Variants in TRPM7 observed in about 807,000 individuals in gnomAD.
The protein encoded by TRPM7 is transient receptor potential cation channel subfamily M member 7.
A neutral mutation model predicts 229.7 loss-of-function variants in TRPM7; 134 were observed. That is an observed-to-expected ratio of 0.58 (90% CI 0.51 to 0.67). TRPM7 has a LOEUF of 0.67. Among genes scored for constraint, TRPM7 ranks in the 30% least tolerant of loss-of-function variants. The pLI is 0.00. For missense variants in TRPM7, 1,901 were observed against 2,210.0 expected (o/e 0.86, Z 2.80); for synonymous variants, 699 against 715.2 (o/e 0.98, Z 0.36).
At chr15:50,593,995 T>G (rs1402598996) in intron 24 of TRPM7, among the ~76,000 whole-genome samples, 1 of 152,130 alleles carries the variant, frequency 6.6e-6, no homozygotes, top group Non-Finnish European at 1.5e-5. Context: ...CTATACAACA[T>G]CCCTCCGCTA....
At chr15:50,650,192 CAAAAAAAAAAAAAAAA>C (rs59579538) in intron 3 of TRPM7, among the ~76,000 whole-genome samples, 1 of 62,302 alleles carries the variant, frequency 1.6e-5, no homozygotes, top group Admixed American at 2.3e-4. Context: ...GACTTTGTCT[CAAAAAAAAAAAAAAAA>C]AAAAAAAAAA....
At chr15:50,635,751 C>T (rs1030479166) in intron 7 of TRPM7, among the ~76,000 whole-genome samples, 1 of 147,066 alleles carries the variant, frequency 6.8e-6, no homozygotes, top group Non-Finnish European at 1.5e-5. Context: ...AGGCCGAGGC[C>T]GGCGATCACG....
At chr15:50,615,753 G>C (rs537067024) in intron 13 of TRPM7, among the ~76,000 whole-genome samples, 2 of 152,092 alleles carry the variant, frequency 1.3e-5, no homozygotes, top group East Asian at 3.9e-4. Flanking sequence ...AAAATTAGCT[G>C]GGTGTGGTGG....
intron 1 of TRPM7, among the ~76,000 whole-genome samples, chr15:50,671,344 C>T (rs910814631): frequency 2.0e-5 from 3 of 152,164 alleles, no homozygotes; most frequent in African/African-American, 4.8e-5. Context: ...TTTCACTTAA[C>T]ATAATGTCCT....
intron 12 of TRPM7, among the ~76,000 whole-genome samples, chr15:50,622,008 T>C (rs1481958419): frequency 1.4e-5 from 2 of 143,786 alleles, no homozygotes; most frequent in Non-Finnish European, 3.1e-5. Flanking sequence ...CCAGCCTGGA[T>C]GACAAGAGCA....
chr15:50,621,242 G>A (rs1359899985), intron 12 of TRPM7, among the ~76,000 whole-genome samples: 3 of 151,222 alleles, frequency 2.0e-5, no homozygotes, highest in Admixed American at 6.6e-5. Context: ...CTCCCCCACA[G>A]GTGAACTTTT....
chr15:50,664,027 C>T (rs960281171), intron 1 of TRPM7, among the ~76,000 whole-genome samples: 6 of 151,968 alleles, frequency 3.9e-5, no homozygotes, highest in African/African-American at 9.7e-5. Flanking sequence ...TGGCCGCGTG[C>T]GGTGGCTCAC....
At chr15:50,624,417 A>C (rs1405265028) in intron 11 of TRPM7, 117 bp from the exon 12 acceptor site, 1 of 889,566 alleles carries the variant, frequency 1.1e-6, no homozygotes, top group East Asian at 2.9e-5. Flanking sequence ...TTAGAACAAA[A>C]TTAGAAAGAT....
intron 3 of TRPM7, among the ~76,000 whole-genome samples, chr15:50,654,833 T>TG (rs2061512844): frequency 6.8e-6 from 1 of 147,212 alleles, no homozygotes; most frequent in Admixed American, 6.8e-5. Flanking sequence ...CCATCTCTAC[T>TG]AAAAAAAACC....
At chr15:50,595,194 C>A (rs1165713344) in intron 23 of TRPM7, among the ~76,000 whole-genome samples, 1 of 150,936 alleles carries the variant, frequency 6.6e-6, no homozygotes, top group Non-Finnish European at 1.5e-5. Context: ...CAGGCTGTCT[C>A]AAAAAATAAA....
At chr15:50,614,097 T>C (rs1596196484) in intron 14 of TRPM7, 26 bp downstream of exon 14, 1 of 1,570,518 alleles carries the variant, frequency 6.4e-7, no homozygotes, top group Admixed American at 1.9e-5. Context: ...AGCATATATA[T>C]AGATTTCCCC....
In TRPM7 at chr15:50,635,786, G is replaced by A. The variant is rs934456089; in HGVS notation, c.833-1230C>T. The stretch of plus-strand genomic sequence containing the variant: ...GAGGTCAGGAGATCAAAAGCAGCCT[G>A]GCCAACATAGTGAAACCTCCTATCT... On this transcript the variant is annotated intron_variant, in intron 7 of 38. Coordinates refer to ENST00000646667, the MANE Select transcript of TRPM7 (RefSeq NM_017672.6). Among the ~76,000 whole-genome samples, 3 of 151,184 alleles carry A rather than the reference G, an allele frequency of 2.0e-5. No homozygotes were observed. The Admixed American group carries it at 2.0e-4, about 10-fold the overall frequency.
At chr15:50,613,524 A>G (rs1011935297) in intron 15 of TRPM7, among the ~76,000 whole-genome samples, 183 bp downstream of exon 15, 5 of 147,036 alleles carry the variant, frequency 3.4e-5, no homozygotes, top group East Asian at 2.0e-4. Flanking sequence ...AAAAAAAAAA[A>G]GGAACAGAAT....
chr15:50,634,671 T>TTAAAAAG, intron 7 of TRPM7, 115 bp from the exon 8 acceptor site: 1 of 765,078 alleles, frequency 1.3e-6, no homozygotes, highest in East Asian at 3.4e-5. Flanking sequence ...TGAAAAAAAA[T>TTAAAAAG]TAAAAAGTAA....
chr15:50,618,791 GT>G (rs1192754264), intron 13 of TRPM7, among the ~76,000 whole-genome samples: 1 of 151,712 alleles, frequency 6.6e-6, no homozygotes, highest in Non-Finnish European at 1.5e-5. Flanking sequence ...CCCACCTTTT[GT>G]AAAGTCTCCA....
intron 3 of TRPM7, among the ~76,000 whole-genome samples, 190 bp from the exon 4 acceptor site, chr15:50,649,075 A>G (rs938240690): frequency 4.6e-5 from 7 of 152,188 alleles, no homozygotes; most frequent in Non-Finnish European, 8.8e-5. Context: ...AAATAGTATA[A>G]TTAGTCTAAG....
At chr15:50,666,032 G>A (rs976506270) in intron 1 of TRPM7, among the ~76,000 whole-genome samples, 2 of 151,798 alleles carry the variant, frequency 1.3e-5, no homozygotes, top group Admixed American at 1.3e-4. Flanking sequence ...AAATTAATGA[G>A]CTAACTCTCG....
intron 28 of TRPM7, 66 bp from the exon 29 acceptor site, chr15:50,583,225 AAC>A: frequency 8.8e-7 from 1 of 1,141,924 alleles, no homozygotes; most frequent in Non-Finnish European, 1.3e-6. Context: ...CAACTAACCA[AAC>A]ACAAAGTATT....
chr15:50,618,989 A>G (rs989608450), intron 13 of TRPM7, among the ~76,000 whole-genome samples: 1 of 152,094 alleles, frequency 6.6e-6, no homozygotes, highest in Non-Finnish European at 1.5e-5. Flanking sequence ...TTTTTTTTAA[A>G]GGGGAGAGAG....
Sources: allele counts gnomAD v4.1 joint callset (sites outside exome capture counted in the v4.1 genomes callset), GRCh38; gene constraint gnomAD v4.1.1; transcripts MANE v1.5; gene names NCBI Gene and HGNC (gene_info 2026-07-23, HGNC 2026-07-21).